Variants in RAP1GAP2 observed in about 807,000 individuals in gnomAD.
RAP1GAP2 encodes rap1 GTPase-activating protein 2.
A neutral mutation model predicts 95.0 loss-of-function variants in RAP1GAP2; 27 were observed. The ratio of observed to expected loss-of-function variants is 0.28; its 90% CI spans 0.21 to 0.39. RAP1GAP2 has a LOEUF of 0.39. Ranked by LOEUF, RAP1GAP2 falls within the 10% of genes least tolerant of loss-of-function variation. The pLI, the probability that RAP1GAP2 is intolerant of heterozygous loss-of-function variation, is 1.00. For missense variants in RAP1GAP2, 771 were observed against 970.0 expected (o/e 0.79, Z 2.72); for synonymous variants, 373 against 380.9 (o/e 0.98, Z 0.24).
upstream of RAP1GAP2, among the ~76,000 whole-genome samples, chr17:2,793,310 C>T (rs7209645): frequency 0.65 from 98,030 of 151,920 alleles, 31,970 homozygotes; most frequent in South Asian, 0.76. Context: ...TGTGCCACGA[C>T]GCCCGGCTAA....
At chr17:2,877,267 C>T (rs891248332) in intron 2 of RAP1GAP2, among the ~76,000 whole-genome samples, 1 of 152,200 alleles carries the variant, frequency 6.6e-6, no homozygotes, top group African/African-American at 2.4e-5. Context: ...AGAGACGGAT[C>T]ATATCTCCCA....
chr17:2,802,223 T>C (rs767996898), intron 2 of RAP1GAP2, among the ~76,000 whole-genome samples: 15 of 152,182 alleles, frequency 9.9e-5, no homozygotes, highest in Non-Finnish European at 2.1e-4. Context: ...CCAGCCCTGG[T>C]TGTGTATCCC....
Position 3,034,418 on chromosome 17 carries a change from T to C in RAP1GAP2, c.*1057T>C. On this transcript the variant is annotated 3_prime_UTR_variant, in exon 25 of 25. Transcript: ENST00000254695. This position sits in a 1 kb window ranked among gnomAD's most constrained non-coding sequence, Gnocchi z 5.1. ...GGAGAGAGGTGAGGGGGGGATGACT[T>C]GCGGGTTCTGATCAGGCCCCTGGGT... 1 of 226,848 alleles carries C rather than the reference T, an allele frequency of 4.4e-6. No individual in the cohort carries two copies. Among genetic ancestry groups the C allele is most frequent in the Non-Finnish European group, 9.2e-6 (1 of 109,132 alleles). The allele number at this position is 226,848 out of a possible 1,614,324, so 14.1% of individuals were successfully genotyped here. A position where few individuals can be genotyped will look rare whatever the true frequency, so the allele number is the denominator to read the frequency against.
chr17:2,999,766 G>A (rs1285369069), intron 14 of RAP1GAP2, among the ~76,000 whole-genome samples: 2 of 149,880 alleles, frequency 1.3e-5, no homozygotes, highest in African/African-American at 2.5e-5. Flanking sequence ...GGGCAACATA[G>A]CGAGACCCTG....
chr17:2,887,183 G>A (rs1018578659), intron 2 of RAP1GAP2, among the ~76,000 whole-genome samples: 2 of 151,530 alleles, frequency 1.3e-5, no homozygotes, highest in African/African-American at 4.9e-5. Context: ...TCAGCCTCCC[G>A]AGTAGCTGGG....
chr17:2,864,729 G>A (rs963462643), intron 2 of RAP1GAP2, among the ~76,000 whole-genome samples: 5 of 152,218 alleles, frequency 3.3e-5, no homozygotes. Flanking sequence ...TGAGAAAGGA[G>A]GGGTCCCGGC....
At chr17:2,897,499 C>T (rs1009010381) in intron 2 of RAP1GAP2, among the ~76,000 whole-genome samples, 2 of 151,826 alleles carry the variant, frequency 1.3e-5, no homozygotes, top group Admixed American at 6.6e-5. Context: ...CAACCTCTGC[C>T]TCCTGGGATC....
intron 18 of RAP1GAP2, among the ~76,000 whole-genome samples, chr17:3,019,944 C>T (rs2046900090): frequency 6.6e-6 from 1 of 152,262 alleles, no homozygotes. Flanking sequence ...CTGCCGCCAA[C>T]CGCCCATTGG....
chr17:2,773,080 ACTC>A (rs1201062444), upstream of RAP1GAP2, among the ~76,000 whole-genome samples: 4 of 151,274 alleles, frequency 2.6e-5, no homozygotes, highest in African/African-American at 9.7e-5. Flanking sequence ...CTGGTCTCGA[ACTC>A]CTCGAACTCC....
intron 2 of RAP1GAP2, among the ~76,000 whole-genome samples, chr17:2,832,037 C>G (rs538859916): frequency 1.3e-5 from 2 of 151,162 alleles, no homozygotes; most frequent in South Asian, 4.2e-4. Context: ...AACCCTGTCT[C>G]TACTAAAAAT....
At chr17:2,931,593 G>C (rs2043158627) in intron 3 of RAP1GAP2, among the ~76,000 whole-genome samples, 1 of 152,212 alleles carries the variant, frequency 6.6e-6, no homozygotes, top group African/African-American at 2.4e-5. Context: ...ATAGGGAAGA[G>C]AGCTGTTGAG....
intron 10 of RAP1GAP2, 74 bp from the exon 11 acceptor site, chr17:2,984,909 C>G (rs1017533708): frequency 1.3e-6 from 2 of 1,583,084 alleles, no homozygotes; most frequent in Non-Finnish European, 1.7e-6. Flanking sequence ...TGGATGCTTC[C>G]CCTGCCATGT....
At chr17:3,013,073 C>T (rs976874907) in intron 17 of RAP1GAP2, among the ~76,000 whole-genome samples, 7 of 152,162 alleles carry the variant, frequency 4.6e-5, no homozygotes, top group South Asian at 4.2e-4. Flanking sequence ...GACCCGGGAC[C>T]GTGGCAAGCT....
At position 2,864,562 on chromosome 17, in the gene RAP1GAP2, A is replaced by C. The variant is rs1051411131; in HGVS notation, c.81-40722A>C. ...ACCTACACCTGGCCACACCTTTGCT[A>C]CCTGCCCCTTCCCTGAAGGACGGGA... is the stretch of plus-strand genomic sequence containing the variant. On this transcript the variant is annotated intron_variant, in intron 2 of 24. Transcript: ENST00000254695. Among the ~76,000 whole-genome samples, 8 of 152,148 alleles carry C rather than the reference A, an allele frequency of 5.3e-5. No homozygotes were observed. The East Asian group carries it at 1.5e-3, about 29-fold the overall frequency.
chr17:2,774,310 G>A (rs1338615402), upstream of RAP1GAP2, among the ~76,000 whole-genome samples: 1 of 152,108 alleles, frequency 6.6e-6, no homozygotes, highest in Non-Finnish European at 1.5e-5. Context: ...GGCTCTATGA[G>A]GAATGTTCCT....
At chr17:2,910,119 G>T (rs936698732) in intron 3 of RAP1GAP2, among the ~76,000 whole-genome samples, 1 of 152,230 alleles carries the variant, frequency 6.6e-6, no homozygotes, top group African/African-American at 2.4e-5. Flanking sequence ...TGCAGCTCCT[G>T]CTTGCAGGCT....
At chr17:2,995,281 T>C in intron 12 of RAP1GAP2, 56 bp from the exon 13 acceptor site, 1 of 1,567,448 alleles carries the variant, frequency 6.4e-7, no homozygotes, top group Non-Finnish European at 8.8e-7. Context: ...TGCATTAAGT[T>C]GCCCACTTTG....
upstream of RAP1GAP2, among the ~76,000 whole-genome samples, chr17:2,774,063 G>A (rs2068447519): frequency 1.3e-5 from 2 of 152,090 alleles, no homozygotes; most frequent in African/African-American, 4.8e-5. Context: ...TGGCCAGGTA[G>A]TAGACACAAT....
chr17:2,820,892 G>GTTTTTTT (rs59814346), intron 2 of RAP1GAP2, among the ~76,000 whole-genome samples: 3 of 104,086 alleles, frequency 2.9e-5, no homozygotes, highest in East Asian at 5.1e-4. Context: ...CCGGATAATG[G>GTTTTTTT]TTTTTTTTTT....
Sources: allele counts gnomAD v4.1 joint callset (sites outside exome capture counted in the v4.1 genomes callset), GRCh38; gene constraint gnomAD v4.1.1; non-coding constraint Gnocchi (gnomAD v3.1); transcripts MANE v1.5; gene names NCBI Gene and HGNC (gene_info 2026-07-23, HGNC 2026-07-21).